Variants in KDM6A observed in about 807,000 individuals in gnomAD.
The protein encoded by KDM6A is lysine-specific demethylase 6A.
Under a neutral mutation model 117.6 loss-of-function variants are expected in KDM6A, and 11 were observed. The ratio of observed to expected loss-of-function variants is 0.09; its 90% CI spans 0.06 to 0.15. KDM6A has a LOEUF of 0.15. KDM6A is among the 10% of genes least tolerant of loss of function. The pLI is 1.00. For synonymous variants in KDM6A, 384 were observed against 396.1 expected (o/e 0.97, Z 0.36); for missense variants, 799 against 1,077.3 (o/e 0.74, Z 3.62).
chrX:45,110,579 G>A lies in KDM6A; in HGVS notation c.4332+330G>A, dbSNP rs893922773. 2.7e-5 allele frequency among the ~76,000 whole-genome samples: 3 copies of A among 111,570 alleles called. No homozygotes were observed. The South Asian group carries it at 1.1e-3, about 41-fold the overall frequency. ...CTCAGTTGATAAAATGTTTGTGTACGTAGGTTATTAGAGCCCACAAAATGA... is the reference window on the plus strand; with the variant it reads ...CTCAGTTGATAAAATGTTTGTGTACATAGGTTATTAGAGCCCACAAAATGA... On this transcript the variant is annotated intron_variant, in intron 29 of 29. Coordinates refer to ENST00000611820, the MANE Select transcript of KDM6A (RefSeq NM_001291415.2).
At chrX:44,919,289 A>G (rs1186971337) in intron 2 of KDM6A, among the ~76,000 whole-genome samples, 1 of 111,375 alleles carries the variant, frequency 9.0e-6, no homozygotes, top group Non-Finnish European at 1.9e-5. Context: ...TCATGTCTCT[A>G]GGCTCTTCTT....
Position 44,905,111 on chromosome X carries a change from A to G in KDM6A, c.225+31124A>G, listed in dbSNP as rs1233052443. Among the ~76,000 whole-genome samples, 3 of 112,046 alleles carry G rather than the reference A, an allele frequency of 2.7e-5. No individual in the cohort carries two copies. The East Asian group carries it at 8.4e-4, about 31-fold the overall frequency. Reference sequence around the variant, plus strand: ...CAATGTTTTGTTATCAATTTTAAATATGTCTTTTCTTCTATGTTGAAAATT... The same window carrying G: ...CAATGTTTTGTTATCAATTTTAAATGTGTCTTTTCTTCTATGTTGAAAATT... On this transcript the variant is annotated intron_variant, in intron 2 of 29. Transcript: ENST00000611820.
At chrX:45,077,494 C>A (rs1429308211) in intron 19 of KDM6A, among the ~76,000 whole-genome samples, 10 of 110,432 alleles carry the variant, frequency 9.1e-5, no homozygotes, top group Admixed American at 7.7e-4. Context: ...GATCTTGCAT[C>A]TATAAAATGG....
At chrX:45,053,718 A>G in intron 9 of KDM6A, 111 bp from the exon 10 acceptor site, 1 of 623,479 alleles carries the variant, frequency 1.6e-6, no homozygotes, top group Admixed American at 3.0e-5. Context: ...AAACTAAATT[A>G]ATAAATTGAC....
chrX:44,986,528 G>C (rs2040236404), intron 4 of KDM6A, among the ~76,000 whole-genome samples: 1 of 111,498 alleles, frequency 9.0e-6, no homozygotes, highest in South Asian at 3.7e-4. Context: ...GATCTTTCCT[G>C]CTTTCTCTTG....
At position 45,062,610 on chromosome X, in the gene KDM6A, T is replaced by A. The variant is rs1198261351; in HGVS notation, c.1582-37T>A. The A allele has an allele frequency of 3.0e-6, 3 of 1,006,365 alleles. No individual in the cohort carries two copies. The South Asian group carries it at 5.8e-5, about 19-fold the overall frequency. 82.9% of individuals were successfully genotyped at this position (1,006,365 alleles called of 1,213,427 possible). ...GAATAATGATCTTATTTCCTAAATA[T>A]ATCTTTGACTATATTCTCTTTTTGT... On this transcript the variant is annotated intron_variant, in intron 15 of 29. Transcript: ENST00000611820.
intron 4 of KDM6A, among the ~76,000 whole-genome samples, chrX:44,999,884 G>A (rs989478868): frequency 1.8e-5 from 2 of 111,433 alleles, no homozygotes; most frequent in Admixed American, 9.5e-5. Context: ...TTACGGCTGC[G>A]AGGGAAGTAA....
intron 2 of KDM6A, among the ~76,000 whole-genome samples, chrX:44,955,915 T>C (rs182229116): frequency 2.6e-3 from 294 of 111,636 alleles, no homozygotes; most frequent in African/African-American, 9.0e-3. Flanking sequence ...CAAAATAAGG[T>C]ATCTCCTTTG....
chrX:44,968,362 TAC>T (rs1387491281), intron 3 of KDM6A, among the ~76,000 whole-genome samples: 2 of 112,554 alleles, frequency 1.8e-5, no homozygotes, highest in Non-Finnish European at 3.7e-5. Flanking sequence ...AGTGCTTCTT[TAC>T]AGTGTCTACT....
At chrX:44,966,925 A>G (rs2039054536) in intron 3 of KDM6A, among the ~76,000 whole-genome samples, 1 of 97,064 alleles carries the variant, frequency 1.0e-5, no homozygotes, top group Non-Finnish European at 2.0e-5. Context: ...GCTGGAGTGC[A>G]ATGGTGCAAT....
intron 27 of KDM6A, among the ~76,000 whole-genome samples, chrX:45,099,183 T>C (rs991274603): frequency 1.8e-5 from 2 of 111,309 alleles, no homozygotes; most frequent in Non-Finnish European, 3.8e-5. Flanking sequence ...AAGAATAAGG[T>C]TATTCTCCTA....
intron 20 of KDM6A, among the ~76,000 whole-genome samples, chrX:45,078,754 T>C (rs2045254002): frequency 9.0e-6 from 1 of 110,979 alleles, no homozygotes; most frequent in Non-Finnish European, 1.9e-5. Context: ...TAAATTTAGC[T>C]ATTACTTTGG....
intron 3 of KDM6A, among the ~76,000 whole-genome samples, chrX:44,973,837 G>A (rs769232828): frequency 4.6e-5 from 5 of 109,790 alleles, no homozygotes; most frequent in Non-Finnish European, 5.7e-5. Context: ...TTCTGCTATC[G>A]TACTTTAATC....
At chrX:44,910,216 C>T (rs904083177) in intron 2 of KDM6A, among the ~76,000 whole-genome samples, 4 of 111,986 alleles carry the variant, frequency 3.6e-5, no homozygotes, top group Admixed American at 9.4e-5. Context: ...GACGAAGTCT[C>T]GCTCCTGTTA....
chrX:45,072,857 AAATAT>A (rs1199104201), intron 18 of KDM6A, among the ~76,000 whole-genome samples: 1 of 104,999 alleles, frequency 9.5e-6, no homozygotes, highest in Admixed American at 1.0e-4. Context: ...TTATTTAAAA[AAATAT>A]AATAATATAT....
In KDM6A at chrX:45,063,564, G is replaced by C. The variant is rs2147993233; in HGVS notation, c.1826G>C (p.Gly609Ala). ...AGAGTGCCTAGCGTCTCTCAGCCTG[G>C]AGTCCGTCCTGCCTGCCCTGGGCAG... ...LTRVPSVSQP[G>A]VRPACPGQPL... Residue 609 changes from glycine (G) to alanine (A), a missense_variant, in exon 17 of 30, where the codon GGA becomes GCA. Around this residue, in one of 8 missense-constraint regions of KDM6A, gnomAD observed 301 missense variants for 318.3 expected, o/e 0.95. Coordinates refer to ENST00000611820, the MANE Select transcript of KDM6A (RefSeq NM_001291415.2). The C allele has an allele frequency of 1.7e-6, 2 of 1,211,611 alleles. No homozygotes were observed. Among genetic ancestry groups the C allele is most frequent in the Non-Finnish European group, 2.2e-6 (2 of 895,512 alleles).
intron 2 of KDM6A, among the ~76,000 whole-genome samples, chrX:44,915,642 C>T (rs943330823): frequency 2.0e-4 from 22 of 111,460 alleles, no homozygotes; most frequent in African/African-American, 5.5e-4. Flanking sequence ...CACCCTTTTC[C>T]GAGTAGCATG....
chrX:45,040,487 A>G (rs1257946116), intron 8 of KDM6A, among the ~76,000 whole-genome samples: 96 of 42,274 alleles, frequency 2.3e-3, no homozygotes, highest in East Asian at 3.4e-3. Context: ...GCGGCTGGCC[A>G]GGCGGGGGGC....
At chrX:44,934,319 C>G (rs1444037429) in intron 2 of KDM6A, among the ~76,000 whole-genome samples, 1 of 112,008 alleles carries the variant, frequency 8.9e-6, no homozygotes, top group Non-Finnish European at 1.9e-5. Context: ...TTCTTCTACC[C>G]TCTTGATTGA....
Sources: allele counts gnomAD v4.1 joint callset (sites outside exome capture counted in the v4.1 genomes callset), GRCh38; gene constraint gnomAD v4.1.1; regional missense constraint gnomAD v4.1.1; transcripts MANE v1.5; gene names NCBI Gene and HGNC (gene_info 2026-07-23, HGNC 2026-07-21).